The following GOLPH3L variants were observed in gnomAD, a reference collection of about 807,000 sequenced individuals.
The protein encoded by GOLPH3L is Golgi phosphoprotein 3-like.
GOLPH3L carries 22 observed loss-of-function variants against 30.3 expected under a neutral mutation model. That is an observed-to-expected ratio of 0.73 (90% CI 0.52 to 1.04). The LOEUF (loss-of-function observed/expected upper bound fraction) is 1.04, where lower values mean the gene tolerates loss of function less well. GOLPH3L is among the 50% of genes least tolerant of loss of function. The pLI, the probability that GOLPH3L is intolerant of heterozygous loss-of-function variation, is 0.00. For synonymous variants in GOLPH3L, 120 were observed against 128.2 expected, an observed-to-expected ratio of 0.94 and a Z score of 0.43; for missense variants, 303 against 345.8, an observed-to-expected ratio of 0.88 and a Z score of 0.98.
chr1:150,675,966 C>CCCTCCCTT (rs1650766978), intron 2 of GOLPH3L, among the ~76,000 whole-genome samples: 3 of 146,478 alleles, frequency 2.0e-5, no homozygotes, highest in Admixed American at 1.4e-4. Flanking sequence ...CTCCCTCCCT[C>CCCTCCCTT]CCTCCCTTCC....
chr1:150,693,791 TTA>T (rs1207817068), intron 2 of GOLPH3L, among the ~76,000 whole-genome samples: 1 of 99,664 alleles, frequency 1.0e-5, no homozygotes, highest in African/African-American at 4.4e-5. Flanking sequence ...CCTCAATTGT[TTA>T]TGTATGTGTG....
intron 2 of GOLPH3L, among the ~76,000 whole-genome samples, chr1:150,668,733 A>G (rs982703586): frequency 1.3e-5 from 2 of 151,818 alleles, no homozygotes; most frequent in African/African-American, 4.8e-5. Context: ...CTTTTTTTTT[A>G]GGTTAACACT....
At chr1:150,663,184 G>A (rs917874024) in intron 3 of GOLPH3L, among the ~76,000 whole-genome samples, 13 of 151,816 alleles carry the variant, frequency 8.6e-5, no homozygotes, top group African/African-American at 1.9e-4. Flanking sequence ...ACAGGCGCCC[G>A]CCACAATGCC....
chr1:150,648,748 C>T lies in GOLPH3L; in HGVS notation c.431G>A (p.Gly144Asp). 1 of 1,592,370 alleles carries T rather than the reference C, an allele frequency of 6.3e-7. No homozygotes were observed. Among genetic ancestry groups the T allele is most frequent in the Non-Finnish European group, 8.6e-7 (1 of 1,163,026 alleles). Residue 144 changes from glycine to aspartate, a missense_variant and splice_region_variant, in exon 5 of 5, where the codon GGT becomes GAT. Physicochemically the swap from Gly to Asp is moderately conservative, Grantham distance 94. Transcript: ENST00000271732. Reference sequence around the variant, plus strand: ...TAATTTGAAGGGGTTCCAGGTCTCACCTATGAGAAAAAAGAAATAGGACAT... The same window carrying T: ...TAATTTGAAGGGGTTCCAGGTCTCATCTATGAGAAAAAAGAAATAGGACAT... ...TVQTWIELLT[G>D]ETWNPFKLQY...
At chr1:150,650,273 A>G (rs2101773636) in intron 4 of GOLPH3L, among the ~76,000 whole-genome samples, 1 of 145,578 alleles carries the variant, frequency 6.9e-6, no homozygotes, top group South Asian at 2.4e-4. Context: ...GGCAACACAC[A>G]GGGAGTTAGG....
rs1052807381 is a variant in GOLPH3L at position 150,663,549 on chromosome 1, A to T, written c.315+83T>A. ...TCAGTGATATTTATTTTATCTTACTACTCAAATCTTTCTATTCTTCCCAAA... is the reference window on the plus strand; with the variant it reads ...TCAGTGATATTTATTTTATCTTACTTCTCAAATCTTTCTATTCTTCCCAAA... On this transcript the variant is annotated intron_variant, in intron 3 of 4. Coordinates refer to ENST00000271732, the MANE Select transcript of GOLPH3L (RefSeq NM_018178.6). 1.6e-5 allele frequency: 20 copies of T among 1,248,240 alleles called. No homozygotes were observed. The Admixed American group carries it at 3.9e-4, about 24-fold the overall frequency. 77.3% of individuals were successfully genotyped at this position (1,248,240 alleles called of 1,614,324 possible).
At chr1:150,677,062 T>C (rs1287687157) in intron 2 of GOLPH3L, among the ~76,000 whole-genome samples, 2 of 151,040 alleles carry the variant, frequency 1.3e-5, no homozygotes, top group African/African-American at 4.9e-5. Context: ...TGCGTAATTT[T>C]ATTTTATTAT....
intron 4 of GOLPH3L, among the ~76,000 whole-genome samples, chr1:150,653,456 T>A (rs1443416841): frequency 7.9e-4 from 1 of 1,270 alleles, no homozygotes; most frequent in Non-Finnish European, 0.031. Context: ...TGAAAGCAAC[T>A]TTTTTTTTTT....
At chr1:150,684,712 G>C (rs1043710761) in intron 2 of GOLPH3L, among the ~76,000 whole-genome samples, 4 of 151,520 alleles carry the variant, frequency 2.6e-5, no homozygotes, top group Non-Finnish European at 5.9e-5. Flanking sequence ...TTGCTGCCCA[G>C]ACTGTAGTGC....
intron 2 of GOLPH3L, among the ~76,000 whole-genome samples, chr1:150,674,559 G>A (rs886745039): frequency 1.3e-5 from 2 of 151,860 alleles, no homozygotes; most frequent in African/African-American, 2.4e-5. Context: ...CACCGCACTC[G>A]GCCTTTTTCT....
chr1:150,693,840 T>TATATAC lies in GOLPH3L; in HGVS notation c.183+815_183+816insGTATAT, dbSNP rs1557791444. Among the ~76,000 whole-genome samples, 14 of 79,188 alleles carry TATATAC rather than the reference T, an allele frequency of 1.8e-4. 1 individual carries two copies. The East Asian group carries it at 5.0e-3, about 28-fold the overall frequency. The allele number at this position is 79,188 out of a possible 152,430, so 52.0% of individuals were successfully genotyped here. A position where few individuals can be genotyped will look rare whatever the true frequency, so the allele number is the denominator to read the frequency against. On this transcript the variant is annotated intron_variant, in intron 2 of 4. Transcript: ENST00000271732. ...GTGTGTATATATATATATATATATA[T>TATATAC]ATATATATTTTTTTTTTTTTTTTTT... is the stretch of plus-strand genomic sequence containing the variant.
intron 4 of GOLPH3L, among the ~76,000 whole-genome samples, chr1:150,652,478 C>T (rs1037672545): frequency 6.6e-6 from 1 of 150,588 alleles, no homozygotes; most frequent in Non-Finnish European, 1.5e-5. Context: ...TAAATACATT[C>T]CTAGATCTGA....
chr1:150,672,315 CTA>C (rs1190361772), intron 2 of GOLPH3L, among the ~76,000 whole-genome samples: 1 of 152,192 alleles, frequency 6.6e-6, no homozygotes, highest in African/African-American at 2.4e-5. Context: ...TTGAATCACT[CTA>C]TTAAAAGAGT....
At chr1:150,659,129 A>G (rs896520886) in intron 4 of GOLPH3L, among the ~76,000 whole-genome samples, 3 of 152,232 alleles carry the variant, frequency 2.0e-5, no homozygotes, top group African/African-American at 7.2e-5. Context: ...TTGTCTCTGT[A>G]TAGTCTGCAG....
intron 4 of GOLPH3L, among the ~76,000 whole-genome samples, chr1:150,656,573 CA>C (rs1311723826): frequency 6.6e-6 from 1 of 152,196 alleles, no homozygotes; most frequent in Non-Finnish European, 1.5e-5. Context: ...ACTCAGCATT[CA>C]CCTACTGGTG....
intron 2 of GOLPH3L, among the ~76,000 whole-genome samples, chr1:150,669,072 T>C (rs1444278487): frequency 6.6e-6 from 1 of 152,148 alleles, no homozygotes; most frequent in Non-Finnish European, 1.5e-5. Context: ...CATACAAAAC[T>C]TTCCAAACGA....
At chr1:150,663,569 C>T in intron 3 of GOLPH3L, 63 bp downstream of exon 3, 1 of 1,441,224 alleles carries the variant, frequency 6.9e-7, no homozygotes, top group Admixed American at 2.1e-5. Flanking sequence ...TTCTATTCTT[C>T]CCAAATGTAC....
At chr1:150,670,379 T>C (rs1650615196) in intron 2 of GOLPH3L, among the ~76,000 whole-genome samples, 1 of 151,860 alleles carries the variant, frequency 6.6e-6, no homozygotes, top group South Asian at 2.1e-4. Flanking sequence ...GAGTGGATCA[T>C]GAGGTCAGGA....
At chr1:150,668,128 T>C (rs1650552309) in intron 2 of GOLPH3L, among the ~76,000 whole-genome samples, 1 of 152,176 alleles carries the variant, frequency 6.6e-6, no homozygotes, top group Admixed American at 6.5e-5. Context: ...TATTATATCA[T>C]ATTGCAAACA....
Sources: allele counts gnomAD v4.1 joint callset (sites outside exome capture counted in the v4.1 genomes callset), GRCh38; gene constraint gnomAD v4.1.1; transcripts MANE v1.5; gene names NCBI Gene and HGNC (gene_info 2026-07-23, HGNC 2026-07-21).